SLC2A13: variants seen among roughly 807,000 people sequenced by gnomAD.
The protein encoded by SLC2A13 is proton myo-inositol cotransporter.
In SLC2A13, 32 loss-of-function variants were observed where a neutral mutation model predicts 64.4. The ratio of observed to expected loss-of-function variants is 0.50; its 90% CI spans 0.37 to 0.67. The LOEUF is 0.67. SLC2A13 is among the 30% of genes least tolerant of loss of function. The probability of loss-of-function intolerance (pLI) is 0.00; values close to 1 mark genes in which losing one functional copy is unlikely to be tolerated. For missense variants in SLC2A13, 743 were observed against 829.2 expected (o/e 0.90, Z 1.28); for synonymous variants, 338 against 327.1 (o/e 1.03, Z -0.36).
chr12:39,874,666 G>C (rs992575166), intron 4 of SLC2A13, among the ~76,000 whole-genome samples: 1 of 151,696 alleles, frequency 6.6e-6, no homozygotes, highest in Non-Finnish European at 1.5e-5. Flanking sequence ...ATGATGTAAG[G>C]CTATAGCAGA....
At chr12:39,875,256 T>C (rs988784358) in intron 4 of SLC2A13, among the ~76,000 whole-genome samples, 1 of 152,194 alleles carries the variant, frequency 6.6e-6, no homozygotes, top group African/African-American at 2.4e-5. Context: ...TCCTTGTCTT[T>C]TGCAGCTTTT....
At chr12:39,953,878 C>T (rs941832830) in intron 3 of SLC2A13, among the ~76,000 whole-genome samples, 4 of 152,098 alleles carry the variant, frequency 2.6e-5, no homozygotes, top group African/African-American at 9.7e-5. Context: ...GCTCCAGCAG[C>T]AGGGATGAAA....
At chr12:40,021,690 A>C (rs1420553763) in intron 3 of SLC2A13, among the ~76,000 whole-genome samples, 1 of 152,258 alleles carries the variant, frequency 6.6e-6, no homozygotes, top group Non-Finnish European at 1.5e-5. Context: ...AAGTTCACCT[A>C]GTAAATGACA....
chr12:39,839,322 T>C (rs1209840570), intron 6 of SLC2A13, among the ~76,000 whole-genome samples: 1 of 152,026 alleles, frequency 6.6e-6, no homozygotes, highest in East Asian at 1.9e-4. Flanking sequence ...TCGGTTGATT[T>C]CCTCTCCCTG....
intron 3 of SLC2A13, among the ~76,000 whole-genome samples, chr12:39,960,398 G>T (rs1264377887): frequency 1.3e-5 from 2 of 152,110 alleles, no homozygotes; most frequent in African/African-American, 4.8e-5. Context: ...GTATTTTCTT[G>T]GAGATGAAGA....
chr12:39,871,583 G>A (rs972415847), intron 5 of SLC2A13, among the ~76,000 whole-genome samples: 1 of 151,730 alleles, frequency 6.6e-6, no homozygotes, highest in Admixed American at 6.6e-5. Flanking sequence ...TATTCTTGCA[G>A]TTTGTTTCTA....
intron 4 of SLC2A13, among the ~76,000 whole-genome samples, chr12:39,919,824 C>T (rs1945584049): frequency 1.3e-5 from 2 of 152,030 alleles, no homozygotes; most frequent in South Asian, 4.1e-4. Flanking sequence ...TCATCCAAGT[C>T]CAGATATTTT....
intron 3 of SLC2A13, among the ~76,000 whole-genome samples, chr12:39,955,018 G>A (rs933436489): frequency 1.8e-4 from 27 of 152,140 alleles, no homozygotes; most frequent in African/African-American, 6.3e-4. Flanking sequence ...GACCTAATAA[G>A]TGACATTTAA....
intron 5 of SLC2A13, among the ~76,000 whole-genome samples, chr12:39,868,416 C>T (rs941882916): frequency 6.6e-6 from 1 of 152,174 alleles, no homozygotes; most frequent in East Asian, 1.9e-4. Context: ...AATAATTTCC[C>T]TTCCCATGAC....
At chr12:39,994,610 T>C (rs926136648) in intron 3 of SLC2A13, among the ~76,000 whole-genome samples, 4 of 152,154 alleles carry the variant, frequency 2.6e-5, no homozygotes, top group Non-Finnish European at 5.9e-5. Flanking sequence ...TCTGTGCATA[T>C]AGTTTTATGC....
intron 7 of SLC2A13, among the ~76,000 whole-genome samples, chr12:39,814,197 T>G (rs1942274039): frequency 6.6e-6 from 1 of 152,210 alleles, no homozygotes; most frequent in Non-Finnish European, 1.5e-5. Context: ...TGATGTAGAT[T>G]GTACTGCTGG....
chr12:39,901,880 G>C (rs1488288496), intron 4 of SLC2A13, among the ~76,000 whole-genome samples: 1 of 151,108 alleles, frequency 6.6e-6, no homozygotes, highest in Non-Finnish European at 1.5e-5. Context: ...CTGCTATAAA[G>C]ACACATGCAC....
intron 3 of SLC2A13, among the ~76,000 whole-genome samples, chr12:39,966,941 G>C (rs1330325115): frequency 2.0e-5 from 3 of 152,066 alleles, no homozygotes; most frequent in African/African-American, 7.2e-5. Flanking sequence ...TGCTCTTCTA[G>C]ATAAATATGG....
chr12:39,887,433 A>G (rs1039673051), intron 4 of SLC2A13, among the ~76,000 whole-genome samples: 1 of 152,174 alleles, frequency 6.6e-6, no homozygotes, highest in Admixed American at 6.5e-5. Context: ...TCTAGAATCA[A>G]TGAAAATACA....
In SLC2A13 at chr12:39,952,742, A is replaced by T. The variant is rs143389297; in HGVS notation, c.926-1377T>A. Among the ~76,000 whole-genome samples the T allele has an allele frequency of 7.0e-4, 106 of 152,286 alleles. No individual in the cohort carries two copies. In the East Asian group the frequency reaches 0.016, roughly 23 times the overall value. On this transcript the variant is annotated intron_variant, in intron 3 of 9. Transcript: ENST00000280871. Reference sequence around the variant, plus strand: ...CAGACTGAGGGTATTATAAATGTCAAATTGCCTTAGATTCGAGCAAAGCAG... The same window carrying T: ...CAGACTGAGGGTATTATAAATGTCATATTGCCTTAGATTCGAGCAAAGCAG...
intron 4 of SLC2A13, among the ~76,000 whole-genome samples, chr12:39,939,419 A>C (rs1375790334): frequency 2.0e-5 from 3 of 152,176 alleles, no homozygotes; most frequent in African/African-American, 7.2e-5. Flanking sequence ...ACCTGCCATC[A>C]AAAAGGGTTT....
intron 9 of SLC2A13, among the ~76,000 whole-genome samples, chr12:39,761,543 A>G (rs79797340): frequency 0.14 from 20,829 of 152,104 alleles, 1,688 homozygotes; most frequent in East Asian, 0.39. Flanking sequence ...AAGATACAGA[A>G]TAAGATTAGT....
At chr12:40,097,799 T>C (rs979635592) in intron 1 of SLC2A13, among the ~76,000 whole-genome samples, 1 of 152,130 alleles carries the variant, frequency 6.6e-6, no homozygotes, top group Admixed American at 6.5e-5. Flanking sequence ...GCAGCCACTA[T>C]GGAAAATGGG....
intron 6 of SLC2A13, among the ~76,000 whole-genome samples, chr12:39,845,627 T>C (rs1210122535): frequency 1.3e-5 from 2 of 152,046 alleles, no homozygotes; most frequent in Non-Finnish European, 2.9e-5. Flanking sequence ...TGACATTTGG[T>C]TGGAAGTTGT....
Sources: gnomAD v4.1 joint callset for allele counts (sites outside exome capture counted in the v4.1 genomes callset) on GRCh38, gnomAD v4.1.1 for gene constraint, MANE v1.5 for transcripts, NCBI Gene and HGNC (gene_info 2026-07-23, HGNC 2026-07-21) for gene names.